The following MARCHF5 variants were observed in gnomAD, a reference collection of about 807,000 sequenced individuals.
The protein encoded by MARCHF5 is membrane associated ring-CH-type finger 5.
In MARCHF5, 5 loss-of-function variants were observed where a neutral mutation model predicts 36.5. That is an observed-to-expected ratio of 0.14 (90% CI 0.07 to 0.29). The LOEUF is 0.29. MARCHF5 is among the 10% of genes least tolerant of loss of function. MARCHF5 has a pLI of 1.00. For synonymous variants in MARCHF5, 103 were observed against 109.9 expected (o/e 0.94, Z 0.39); for missense variants, 179 against 336.3 (o/e 0.53, Z 3.66).
rs76447194 is a variant in MARCHF5 at position 92,335,323 on chromosome 10, G to C, written c.239-5350G>C. Among the ~76,000 whole-genome samples, 880 of 152,272 alleles carry C rather than the reference G, an allele frequency of 5.8e-3. 5 individuals are homozygous for C. Among genetic ancestry groups the C allele is most frequent in the African/African-American group, 0.02 (835 of 41,552 alleles). ...GTAGCACATAAACTTCATAGGAAGA[G>C]TATGAATTAGAGACTGTCCTCCAAA... On this transcript the variant is annotated intron_variant, in intron 2 of 5. Coordinates refer to ENST00000358935, the MANE Select transcript of MARCHF5 (RefSeq NM_017824.5).
At chr10:92,343,800 C>G (rs1363650865) in intron 3 of MARCHF5, among the ~76,000 whole-genome samples, 2 of 152,112 alleles carry the variant, frequency 1.3e-5, no homozygotes, top group Non-Finnish European at 2.9e-5. Context: ...AACTCCTGAC[C>G]TTAGATGATC....
chr10:92,292,198 G>T (rs1479917346), intron 1 of MARCHF5, among the ~76,000 whole-genome samples: 1 of 152,090 alleles, frequency 6.6e-6, no homozygotes, highest in Non-Finnish European at 1.5e-5. Flanking sequence ...GCTCGTACAG[G>T]AGTCCAGTTG....
chr10:92,340,106 C>T (rs913149874), intron 2 of MARCHF5, among the ~76,000 whole-genome samples: 23 of 152,004 alleles, frequency 1.5e-4, no homozygotes, highest in African/African-American at 4.1e-4. Flanking sequence ...TTACTAAATA[C>T]GAGAATCTAA....
Position 92,291,205 on chromosome 10 carries a change from C to T in MARCHF5, c.-290C>T, listed in dbSNP as rs974756702. 2 of 512,634 alleles carry T rather than the reference C, an allele frequency of 3.9e-6. No individual in the cohort carries two copies. The highest frequency in any genetic ancestry group is 2.4e-5 in the South Asian group (1 of 41,246). The allele number at this position is 512,634 out of a possible 1,614,324, so 31.8% of individuals were successfully genotyped here. On this transcript the variant is annotated 5_prime_UTR_variant, in exon 1 of 6. Transcript: ENST00000358935. ...AGCTCCTCCGCCGGCAGCAACTCGG[C>T]GCCCGCGGTCCATGGACCGGAACCT...
At chr10:92,349,968 C>A in intron 5 of MARCHF5, 131 bp downstream of exon 5, 1 of 685,198 alleles carries the variant, frequency 1.5e-6, no homozygotes. Context: ...TTGAGCCTCA[C>A]TATCATTCAA....
At chr10:92,295,228 G>A (rs1468208455) in intron 1 of MARCHF5, among the ~76,000 whole-genome samples, 2 of 149,372 alleles carry the variant, frequency 1.3e-5, no homozygotes, top group East Asian at 4.0e-4. Context: ...AACTGTCAAA[G>A]TGAAGACTAT....
intron 1 of MARCHF5, among the ~76,000 whole-genome samples, chr10:92,301,147 A>G (rs1288534320): frequency 6.6e-6 from 1 of 152,092 alleles, no homozygotes; most frequent in Non-Finnish European, 1.5e-5. Context: ...TCAGCCTCCC[A>G]AAGTGCTGGG....
At chr10:92,345,301 A>G (rs1843628623) in intron 3 of MARCHF5, among the ~76,000 whole-genome samples, 1 of 152,162 alleles carries the variant, frequency 6.6e-6, no homozygotes, top group South Asian at 2.1e-4. Context: ...CCTTGAGGCC[A>G]GGAGTTGGAG....
At chr10:92,314,757 C>CCCCCG (rs1564946327) in intron 2 of MARCHF5, among the ~76,000 whole-genome samples, 8 of 122,336 alleles carry the variant, frequency 6.5e-5, no homozygotes, top group Admixed American at 1.7e-4. Context: ...CGCCCCCCCC[C>CCCCCG]GCCAATAGAG....
In MARCHF5 at chr10:92,353,210, T is replaced by C. The variant is rs1196232100; in HGVS notation, c.*2003T>C. On this transcript the variant is annotated 3_prime_UTR_variant, in exon 6 of 6. Coordinates refer to ENST00000358935, the MANE Select transcript of MARCHF5 (RefSeq NM_017824.5). Reference sequence around the variant, plus strand: ...CCTCTAGCCCCGAATTGAACACTTTTAAACCTAAAGAGCCTTATTATTATT... The same window carrying C: ...CCTCTAGCCCCGAATTGAACACTTTCAAACCTAAAGAGCCTTATTATTATT... 1 of 152,152 alleles carries C rather than the reference T, an allele frequency of 6.6e-6. No individual in the cohort carries two copies. Among genetic ancestry groups the C allele is most frequent in the Non-Finnish European group, 1.5e-5 (1 of 68,044 alleles). 9.4% of individuals were successfully genotyped at this position (152,152 alleles called of 1,614,324 possible). A position where few individuals can be genotyped will look rare whatever the true frequency, so the allele number is the denominator to read the frequency against.
chr10:92,351,418 CT>C lies in MARCHF5; in HGVS notation c.*215del. 2.5e-6 allele frequency: 1 copy of C among 395,256 alleles called. No homozygotes were observed. Among genetic ancestry groups the C allele is most frequent in the Non-Finnish European group, 4.5e-6 (1 of 223,872 alleles). 24.5% of individuals were successfully genotyped at this position (395,256 alleles called of 1,614,324 possible). A position where few individuals can be genotyped will look rare whatever the true frequency, so the allele number is the denominator to read the frequency against. Reference sequence around the variant, plus strand: ...TTGTTTTCATTGTTTGTATGTACTACTTTTATGGCAGTCATATGAACCATTA... The same window carrying C: ...TTGTTTTCATTGTTTGTATGTACTACTTTATGGCAGTCATATGAACCATTA... On this transcript the variant is annotated 3_prime_UTR_variant, in exon 6 of 6. Transcript: ENST00000358935.
chr10:92,313,106 T>G (rs1233633483), intron 2 of MARCHF5, among the ~76,000 whole-genome samples: 2 of 152,042 alleles, frequency 1.3e-5, no homozygotes, highest in Non-Finnish European at 2.9e-5. Context: ...TGGTGGCGTG[T>G]GCCTGTAGTC....
At chr10:92,304,616 G>A (rs548306378) in intron 1 of MARCHF5, among the ~76,000 whole-genome samples, 2 of 152,102 alleles carry the variant, frequency 1.3e-5, no homozygotes, top group East Asian at 1.9e-4. Context: ...AGTTATTTCG[G>A]GATCTCTACA....
chr10:92,301,778 G>T (rs1416118040), intron 1 of MARCHF5, among the ~76,000 whole-genome samples: 1 of 152,162 alleles, frequency 6.6e-6, no homozygotes, highest in African/African-American at 2.4e-5. Flanking sequence ...CCTAATACAG[G>T]CCGGGTGCAG....
chr10:92,322,815 G>T (rs1843306891), intron 2 of MARCHF5, among the ~76,000 whole-genome samples: 1 of 150,600 alleles, frequency 6.6e-6, no homozygotes, highest in Non-Finnish European at 1.5e-5. Context: ...TCAGCTCACT[G>T]CAACCTCCGC....
At chr10:92,308,644 T>G (rs1026965751) in intron 1 of MARCHF5, 1 of 151,970 alleles carries the variant, frequency 6.6e-6, no homozygotes, top group African/African-American at 2.4e-5. Flanking sequence ...TTATTTACCA[T>G]AGTTGTGAAA....
intron 2 of MARCHF5, among the ~76,000 whole-genome samples, chr10:92,314,887 G>A (rs566681490): frequency 3.3e-5 from 5 of 152,084 alleles, no homozygotes; most frequent in East Asian, 1.9e-4. Flanking sequence ...CCAGCCTGCC[G>A]CTGCATTCTT....
At chr10:92,312,367 C>T (rs1337570199) in intron 2 of MARCHF5, among the ~76,000 whole-genome samples, 1 of 152,118 alleles carries the variant, frequency 6.6e-6, no homozygotes, top group Non-Finnish European at 1.5e-5. Flanking sequence ...ATGATAGCTT[C>T]CTTTGAAGGG....
At chr10:92,328,787 TGTCA>T (rs897593581) in intron 2 of MARCHF5, among the ~76,000 whole-genome samples, 4 of 148,516 alleles carry the variant, frequency 2.7e-5, no homozygotes, top group African/African-American at 9.9e-5. Context: ...GTTTAGATCT[TGTCA>T]GTGAGGTTAT....
Sources: allele counts gnomAD v4.1 joint callset (sites outside exome capture counted in the v4.1 genomes callset), GRCh38; gene constraint gnomAD v4.1.1; transcripts MANE v1.5; gene names NCBI Gene and HGNC (gene_info 2026-07-23, HGNC 2026-07-21).